Variants in CNTN3 observed in about 807,000 individuals in gnomAD.
CNTN3 encodes contactin-3.
A neutral mutation model predicts 119.1 loss-of-function variants in CNTN3; 60 were observed. The ratio of observed to expected loss-of-function variants is 0.50; its 90% CI spans 0.41 to 0.62. The LOEUF (loss-of-function observed/expected upper bound fraction) is 0.62, where lower values mean the gene tolerates loss of function less well. Among genes scored for constraint, CNTN3 ranks in the 20% least tolerant of loss-of-function variants. The probability of loss-of-function intolerance (pLI) is 0.00; values close to 1 mark genes in which losing one functional copy is unlikely to be tolerated. For missense variants in CNTN3, 1,101 were observed against 1,242.4 expected (o/e 0.89, Z 1.71); for synonymous variants, 450 against 438.7 (o/e 1.03, Z -0.32).
At chr3:74,306,234 A>AAAT (rs1702561482) in intron 13 of CNTN3, among the ~76,000 whole-genome samples, 5 of 150,022 alleles carry the variant, frequency 3.3e-5, no homozygotes, top group Admixed American at 6.7e-5. Flanking sequence ...AAAAAAAGAA[A>AAAT]CTCGGTAAAA....
At chr3:74,338,461 T>C (rs6800717) in intron 11 of CNTN3, among the ~76,000 whole-genome samples, 65,134 of 151,096 alleles carry the variant, frequency 0.43, 14,367 homozygotes, top group East Asian at 0.67. Flanking sequence ...TGCACATATG[T>C]GTATACACAT....
At chr3:74,515,244 C>T (rs1393243725) in intron 2 of CNTN3, among the ~76,000 whole-genome samples, 1 of 151,982 alleles carries the variant, frequency 6.6e-6, no homozygotes, top group East Asian at 1.9e-4. Flanking sequence ...ATAGACACTG[C>T]ACAGTTGAAA....
At position 74,343,422 on chromosome 3, in the gene CNTN3, A is replaced by G. The variant is rs570596844; in HGVS notation, c.1365-6764T>C. On this transcript the variant is annotated intron_variant, in intron 11 of 22. Coordinates refer to ENST00000263665, the MANE Select transcript of CNTN3 (RefSeq NM_020872.3). Reference sequence around the variant, plus strand: ...TGGGGAGTCATTAGAGAAATATCCAAATGTTACTCCAGTGATTGTCCTTCT... The same window carrying G: ...TGGGGAGTCATTAGAGAAATATCCAGATGTTACTCCAGTGATTGTCCTTCT... 2.0e-5 allele frequency among the ~76,000 whole-genome samples: 3 copies of G among 152,334 alleles called. No individual in the cohort carries two copies. The East Asian group carries it at 5.8e-4, about 29-fold the overall frequency.
intron 1 of CNTN3, among the ~76,000 whole-genome samples, chr3:74,580,261 C>T (rs1291063256): frequency 1.3e-5 from 2 of 152,140 alleles, no homozygotes; most frequent in Non-Finnish European, 2.9e-5. Context: ...CCAAACCCTT[C>T]CCATAAAGAG....
intron 5 of CNTN3, among the ~76,000 whole-genome samples, chr3:74,401,878 C>T (rs536560069): frequency 5.3e-5 from 8 of 152,148 alleles, no homozygotes; most frequent in East Asian, 1.9e-4. Context: ...AATAACCCAA[C>T]CTTTGTATCT....
intron 4 of CNTN3, among the ~76,000 whole-genome samples, chr3:74,442,188 G>T (rs1701979269): frequency 7.7e-6 from 1 of 130,446 alleles, no homozygotes; most frequent in South Asian, 2.4e-4. Context: ...GAGAGAGAGA[G>T]ATTATTTTTA....
intron 1 of CNTN3, among the ~76,000 whole-genome samples, chr3:74,552,591 A>G (rs1704007985): frequency 6.6e-6 from 1 of 152,076 alleles, no homozygotes; most frequent in South Asian, 2.1e-4. Context: ...TCAATCTGTA[A>G]TATCTTTTTT....
At chr3:74,380,826 A>G (rs1704598130) in intron 5 of CNTN3, among the ~76,000 whole-genome samples, 1 of 152,150 alleles carries the variant, frequency 6.6e-6, no homozygotes, top group Non-Finnish European at 1.5e-5. Flanking sequence ...TCCACATTAC[A>G]TCTCATTTTC....
intron 5 of CNTN3, among the ~76,000 whole-genome samples, chr3:74,377,528 G>A (rs1216071791): frequency 6.6e-6 from 1 of 152,150 alleles, no homozygotes; most frequent in Non-Finnish European, 1.5e-5. Context: ...TAAATAAAAA[G>A]CTGTAATAAA....
intron 7 of CNTN3, among the ~76,000 whole-genome samples, chr3:74,369,588 G>A (rs1409091295): frequency 7.4e-5 from 11 of 149,598 alleles, no homozygotes; most frequent in Non-Finnish European, 1.5e-5. Flanking sequence ...ACATGATTTC[G>A]AGAAAAAAGC....
chr3:74,390,254 G>A (rs945186841), intron 5 of CNTN3, among the ~76,000 whole-genome samples: 3 of 152,160 alleles, frequency 2.0e-5, no homozygotes, highest in African/African-American at 7.2e-5. Context: ...GGGTGGGACT[G>A]AGGCCCGGAA....
In CNTN3 at chr3:74,279,534, T is replaced by C. The variant is rs112453084; in HGVS notation, c.2704+5771A>G. On this transcript the variant is annotated intron_variant, in intron 20 of 22. Transcript: ENST00000263665. ...AGACTATTATTCTAAATGAAGTACC[T>C]CAGGAATGGAAAACCAAACATCGTA... Among the ~76,000 whole-genome samples, 852 of 151,968 alleles carry C rather than the reference T, an allele frequency of 5.6e-3. 6 individuals carry two copies. Among genetic ancestry groups the C allele is most frequent in the African/African-American group, 0.019 (801 of 41,452 alleles).
intron 4 of CNTN3, among the ~76,000 whole-genome samples, chr3:74,449,567 C>A (rs1033824995): frequency 2.6e-5 from 4 of 151,982 alleles, no homozygotes; most frequent in Non-Finnish European, 5.9e-5. Flanking sequence ...AAATATAAAG[C>A]ACATATAAAA....
intron 11 of CNTN3, among the ~76,000 whole-genome samples, chr3:74,357,186 A>G (rs1032415642): frequency 2.0e-5 from 3 of 152,108 alleles, no homozygotes; most frequent in Non-Finnish European, 4.4e-5. Context: ...TCGGCCTTCC[A>G]AAGTGCTGGG....
intron 1 of CNTN3, among the ~76,000 whole-genome samples, chr3:74,612,767 C>G (rs1052868946): frequency 5.3e-5 from 8 of 152,180 alleles, no homozygotes; most frequent in African/African-American, 1.9e-4. Context: ...AGCAAGTATT[C>G]AAAGACCAAT....
At chr3:74,324,543 A>G (rs904513432) in intron 13 of CNTN3, among the ~76,000 whole-genome samples, 4 of 152,216 alleles carry the variant, frequency 2.6e-5, no homozygotes, top group Non-Finnish European at 5.9e-5. Flanking sequence ...GTGGTGAAAC[A>G]AGATGAAGTT....
chr3:74,481,241 T>C (rs1401174656), intron 4 of CNTN3, among the ~76,000 whole-genome samples: 1 of 151,852 alleles, frequency 6.6e-6, no homozygotes, highest in East Asian at 1.9e-4. Context: ...AGCAACATAA[T>C]TAACAAATTT....
intron 1 of CNTN3, among the ~76,000 whole-genome samples, chr3:74,579,773 G>A (rs1175846205): frequency 6.6e-6 from 1 of 152,034 alleles, no homozygotes; most frequent in African/African-American, 2.4e-5. Context: ...TTGTTAAAAA[G>A]AAGTTTATAG....
Position 74,265,567 on chromosome 3 carries a change from G to A in CNTN3, c.2986+914C>T, listed in dbSNP as rs150190804. Among the ~76,000 whole-genome samples the A allele has an allele frequency of 2.1e-3, 318 of 152,242 alleles. 4 individuals are homozygous for A. The highest frequency in any genetic ancestry group is 6.5e-3 in the African/African-American group (269 of 41,554). Reference sequence around the variant, plus strand: ...GCAGAACTTAGTTCTGCAATAAGTAGTTCCTGTTTTCTTAGTGTAGCTTTG... The same window carrying A: ...GCAGAACTTAGTTCTGCAATAAGTAATTCCTGTTTTCTTAGTGTAGCTTTG... On this transcript the variant is annotated intron_variant, in intron 22 of 22. Transcript: ENST00000263665.
Sources: allele counts gnomAD v4.1 joint callset (sites outside exome capture counted in the v4.1 genomes callset), GRCh38; gene constraint gnomAD v4.1.1; transcripts MANE v1.5; gene names NCBI Gene and HGNC (gene_info 2026-07-23, HGNC 2026-07-21).